Variants in TIMP3 observed in about 807,000 individuals in gnomAD.
The protein encoded by TIMP3 is metalloproteinase inhibitor 3.
A neutral mutation model predicts 30.0 loss-of-function variants in TIMP3; 11 were observed. The observed-to-expected ratio is 0.37, with a 90% CI of 0.23 to 0.61. The LOEUF (loss-of-function observed/expected upper bound fraction) is 0.61, where lower values mean the gene tolerates loss of function less well. Ranked by LOEUF, TIMP3 falls within the 20% of genes least tolerant of loss-of-function variation. TIMP3 has a pLI of 0.70. For missense variants in TIMP3, 181 were observed against 276.8 expected (o/e 0.65, Z 2.45); for synonymous variants, 112 against 111.3 (o/e 1.01, Z -0.04).
chr22:32,825,717 GCT>G (rs1214426254), intron 1 of TIMP3, among the ~76,000 whole-genome samples: 1 of 127,040 alleles, frequency 7.9e-6, no homozygotes, highest in African/African-American at 2.9e-5. Context: ...ATGTGTGTAT[GCT>G]TATATATATA....
intron 1 of TIMP3, among the ~76,000 whole-genome samples, chr22:32,819,011 G>C (rs763481144): frequency 1.1e-4 from 17 of 152,196 alleles, no homozygotes; most frequent in Non-Finnish European, 2.1e-4. Flanking sequence ...AAATAACCTC[G>C]AGGCTGGCCT....
chr22:32,836,137 A>G (rs117001131), intron 1 of TIMP3, among the ~76,000 whole-genome samples: 2,471 of 152,300 alleles, frequency 0.016, 22 homozygotes, highest in Non-Finnish European at 0.026. Flanking sequence ...TTTTCTTCCT[A>G]TACTCAGTGG....
chr22:32,804,787 A>G (rs1179494659), intron 1 of TIMP3, among the ~76,000 whole-genome samples: 1 of 152,316 alleles, frequency 6.6e-6, no homozygotes, highest in Non-Finnish European at 1.5e-5. Context: ...ATGCCGGCTT[A>G]TAAGACACAC....
chr22:32,802,438 G>A (rs2046614884), intron 1 of TIMP3, among the ~76,000 whole-genome samples: 2 of 152,076 alleles, frequency 1.3e-5, no homozygotes, highest in Admixed American at 6.5e-5. Flanking sequence ...CGGAGGAAGG[G>A]CTAGAAGAGA....
intron 1 of TIMP3, among the ~76,000 whole-genome samples, chr22:32,803,020 C>T (rs942930193): frequency 8.5e-5 from 13 of 152,170 alleles, no homozygotes; most frequent in Admixed American, 7.8e-4. Context: ...CCGAGAGCAT[C>T]CTGGGAGGCT....
At chr22:32,828,392 A>G (rs1345343170) in intron 1 of TIMP3, among the ~76,000 whole-genome samples, 1 of 152,234 alleles carries the variant, frequency 6.6e-6, no homozygotes, top group Non-Finnish European at 1.5e-5. Context: ...CCTCTAAAAA[A>G]TTCTGCCATC....
intron 1 of TIMP3, among the ~76,000 whole-genome samples, chr22:32,845,269 T>G (rs1016197645): frequency 3.3e-5 from 5 of 152,024 alleles, no homozygotes; most frequent in African/African-American, 4.8e-5. Context: ...CAATCTCGGC[T>G]CACTGCAACC....
intron 1 of TIMP3, among the ~76,000 whole-genome samples, chr22:32,818,284 A>G (rs1314731449): frequency 6.6e-6 from 1 of 152,172 alleles, no homozygotes; most frequent in Non-Finnish European, 1.5e-5. Flanking sequence ...TGCTGGGCAA[A>G]GCAAGGACGG....
intron 1 of TIMP3, among the ~76,000 whole-genome samples, chr22:32,828,019 T>C (rs887286398): frequency 6.6e-6 from 1 of 152,172 alleles, no homozygotes; most frequent in African/African-American, 2.4e-5. Context: ...GCCATCATAT[T>C]GGGTATTTGT....
At chr22:32,836,965 C>G (rs149193752) in intron 1 of TIMP3, among the ~76,000 whole-genome samples, 99 of 152,332 alleles carry the variant, frequency 6.5e-4, no homozygotes, top group Non-Finnish European at 1.2e-3. Flanking sequence ...GATTTGCTGT[C>G]TGCAAAGGCT....
intron 1 of TIMP3, among the ~76,000 whole-genome samples, chr22:32,814,107 CGTGTGTGT>C (rs130279): frequency 0.43 from 42,129 of 97,132 alleles, 9,446 homozygotes; most frequent in Admixed American, 0.51. Context: ...AGGCAATACT[CGTGTGTGT>C]GTGTGTGTGT....
At chr22:32,817,918 T>C (rs991131909) in intron 1 of TIMP3, among the ~76,000 whole-genome samples, 22 of 152,214 alleles carry the variant, frequency 1.4e-4, no homozygotes, top group African/African-American at 5.1e-4. Context: ...CTCTCTGTTC[T>C]ATACTTCTCT....
chr22:32,858,010 C>G lies in TIMP3; in HGVS notation c.317-7C>G. The G allele has an allele frequency of 1.2e-6, 2 of 1,614,176 alleles. No individual in the cohort carries two copies. Among genetic ancestry groups the G allele is most frequent in the East Asian group, 4.5e-5 (2 of 44,864 alleles). ...ACCTCTCCTTGTTTTCTTCTTTCCT[C>G]CTGTAGGTCGCGTCTATGATGGCAA... On this transcript the variant is annotated splice_region_variant and splice_polypyrimidine_tract_variant and intron_variant, in intron 3 of 4. Coordinates refer to ENST00000266085, the MANE Select transcript of TIMP3 (RefSeq NM_000362.5).
intron 1 of TIMP3, among the ~76,000 whole-genome samples, chr22:32,848,471 G>C (rs555438607): frequency 6.6e-6 from 1 of 152,310 alleles, no homozygotes; most frequent in Admixed American, 6.5e-5. Context: ...TACTGCCCTT[G>C]TAAGACAGTT....
chr22:32,858,209 T>A (rs960828687), intron 4 of TIMP3, 71 bp downstream of exon 4: 7 of 1,594,456 alleles, frequency 4.4e-6, no homozygotes, highest in Admixed American at 3.4e-5. Flanking sequence ...CAGCTCCCAA[T>A]GCACTGGGTG....
chr22:32,808,064 G>A lies in TIMP3; in HGVS notation c.121+5942G>A, dbSNP rs547830718. 9.2e-5 allele frequency among the ~76,000 whole-genome samples: 14 copies of A among 152,316 alleles called. No homozygotes were observed. In the South Asian group the frequency reaches 2.3e-3, roughly 25 times the overall value. On this transcript the variant is annotated intron_variant, in intron 1 of 4. Coordinates refer to ENST00000266085, the MANE Select transcript of TIMP3 (RefSeq NM_000362.5). ...GGGAGTATTTTCATAGGGAGAGGAAGGCTGCAATGCCAGGAAAGCTGTGAC... is the reference window on the plus strand; with the variant it reads ...GGGAGTATTTTCATAGGGAGAGGAAAGCTGCAATGCCAGGAAAGCTGTGAC...
At chr22:32,832,875 G>A (rs1402528452) in intron 1 of TIMP3, among the ~76,000 whole-genome samples, 2 of 151,852 alleles carry the variant, frequency 1.3e-5, no homozygotes, top group Non-Finnish European at 2.9e-5. Flanking sequence ...CTACAGGTAC[G>A]TACTACCATT....
intron 1 of TIMP3, among the ~76,000 whole-genome samples, chr22:32,835,891 T>C (rs2047715965): frequency 6.6e-6 from 1 of 152,232 alleles, no homozygotes; most frequent in African/African-American, 2.4e-5. Context: ...ACAAGAGTTA[T>C]GGAGAGTTAA....
chr22:32,831,512 T>G (rs9621573), intron 1 of TIMP3, among the ~76,000 whole-genome samples: 1 of 152,052 alleles, frequency 6.6e-6, no homozygotes, highest in African/African-American at 2.4e-5. Flanking sequence ...GGGTCGGAGT[T>G]GGGGGGCAGT....
Sources: allele counts gnomAD v4.1 joint callset (sites outside exome capture counted in the v4.1 genomes callset), GRCh38; gene constraint gnomAD v4.1.1; transcripts MANE v1.5; gene names NCBI Gene and HGNC (gene_info 2026-07-23, HGNC 2026-07-21).